GOLPH3L: variants seen among roughly 807,000 people sequenced by gnomAD.
The protein encoded by GOLPH3L is golgi phosphoprotein 3 like, also known as Golgi phosphoprotein 3-like.
Under a neutral mutation model 30.3 loss-of-function variants are expected in GOLPH3L, and 22 were observed. That is an observed-to-expected ratio of 0.73 (90% CI 0.52 to 1.04). GOLPH3L has a LOEUF of 1.04. GOLPH3L is among the 50% of genes least tolerant of loss of function. The pLI is 0.00. For missense variants in GOLPH3L, 303 were observed against 345.8 expected (o/e 0.88, Z 0.98); for synonymous variants, 120 against 128.2 (o/e 0.94, Z 0.43).
chr1:150,660,354 T>A (rs1412863466), intron 4 of GOLPH3L, among the ~76,000 whole-genome samples: 1 of 152,166 alleles, frequency 6.6e-6, no homozygotes, highest in African/African-American at 2.4e-5. Flanking sequence ...AATGGTGCAG[T>A]CTCTGTGGAA....
chr1:150,661,086 G>C (rs587633639), intron 4 of GOLPH3L, among the ~76,000 whole-genome samples: 47 of 152,318 alleles, frequency 3.1e-4, no homozygotes, highest in African/African-American at 1.1e-3. Context: ...AAATTAGCCA[G>C]GCGTGGTGGC....
At chr1:150,664,865 C>T (rs1175089246) in intron 2 of GOLPH3L, among the ~76,000 whole-genome samples, 1 of 152,012 alleles carries the variant, frequency 6.6e-6, no homozygotes, top group Non-Finnish European at 1.5e-5. Flanking sequence ...AATGCAGACA[C>T]CAATATATAT....
rs1370303613 is a variant in GOLPH3L, at chr1:150,647,063, C to A, written c.*1258G>T. On this transcript the variant is annotated 3_prime_UTR_variant, in exon 5 of 5. Transcript: ENST00000271732. ...ATATAGACAAAACTACTCCCAGAAA[C>A]CTTAAATATAGACAGACTTTATTAA... 3 of 152,054 alleles carry A rather than the reference C, an allele frequency of 2.0e-5. No homozygotes were observed. The highest frequency in any genetic ancestry group is 6.5e-5 in the Admixed American group (1 of 15,268). The allele number at this position is 152,054 out of a possible 1,614,324, so 9.4% of individuals were successfully genotyped here.
In GOLPH3L at chr1:150,663,516, C is replaced by T. The variant is rs1480606204; in HGVS notation, c.315+116G>A. On this transcript the variant is annotated intron_variant, in intron 3 of 4. Coordinates refer to ENST00000271732, the MANE Select transcript of GOLPH3L (RefSeq NM_018178.6). ...TAATTAACCTGTTTAGACAATGGAA[C>T]TGCTGAGTCAGTGATATTTATTTTA... The T allele has an allele frequency of 3.3e-6, 3 of 921,574 alleles. No individual in the cohort carries two copies. In the African/African-American group the frequency reaches 5.0e-5, roughly 15 times the overall value. 57.1% of individuals were successfully genotyped at this position (921,574 alleles called of 1,614,324 possible).
At chr1:150,671,801 C>A (rs1223756423) in intron 2 of GOLPH3L, among the ~76,000 whole-genome samples, 1 of 101,252 alleles carries the variant, frequency 9.9e-6, no homozygotes, top group Non-Finnish European at 2.0e-5. Flanking sequence ...AGCAAAACTC[C>A]GTCTCAAAAA....
chr1:150,671,116 C>A (rs970847449), intron 2 of GOLPH3L, among the ~76,000 whole-genome samples: 11 of 152,058 alleles, frequency 7.2e-5, no homozygotes, highest in African/African-American at 2.7e-4. Context: ...GTGGCCCGTG[C>A]CTGTAATCCC....
intron 2 of GOLPH3L, among the ~76,000 whole-genome samples, chr1:150,687,156 G>A (rs761348306): frequency 5.3e-5 from 8 of 151,494 alleles, no homozygotes; most frequent in African/African-American, 1.5e-4. Flanking sequence ...TTCTTTGCTC[G>A]GCCTGCTATT....
chr1:150,688,295 G>GT (rs1651138353), intron 2 of GOLPH3L, among the ~76,000 whole-genome samples: 1 of 152,200 alleles, frequency 6.6e-6, no homozygotes, highest in Admixed American at 6.5e-5. Context: ...TCATACTTCA[G>GT]TTTTAAAACA....
intron 2 of GOLPH3L, among the ~76,000 whole-genome samples, chr1:150,674,266 T>TG (rs1263046402): frequency 2.0e-5 from 3 of 150,350 alleles, no homozygotes; most frequent in South Asian, 2.1e-4. Context: ...GGGAGAATTT[T>TG]TTTTTTTTTT....
At chr1:150,690,114 G>A (rs1651176133) in intron 2 of GOLPH3L, among the ~76,000 whole-genome samples, 1 of 151,954 alleles carries the variant, frequency 6.6e-6, no homozygotes, top group Non-Finnish European at 1.5e-5. Flanking sequence ...AATCTCCCAA[G>A]TAGCTGAAAC....
At chr1:150,671,668 G>A (rs1258244909) in intron 2 of GOLPH3L, among the ~76,000 whole-genome samples, 1 of 151,948 alleles carries the variant, frequency 6.6e-6, no homozygotes. Flanking sequence ...AGCCGGGTGT[G>A]GTGCCGCATG....
At chr1:150,661,740 A>C (rs1650371480) in intron 4 of GOLPH3L, 74 bp downstream of exon 4, 2 of 783,810 alleles carry the variant, frequency 2.6e-6, no homozygotes, top group Non-Finnish European at 4.7e-6. Flanking sequence ...ATTTCGGTAC[A>C]TCTTTTACTA....
At chr1:150,659,291 T>G (rs1270499934) in intron 4 of GOLPH3L, among the ~76,000 whole-genome samples, 1 of 152,192 alleles carries the variant, frequency 6.6e-6, no homozygotes, top group Non-Finnish European at 1.5e-5. Context: ...AAACAAAATC[T>G]CTGCAGCACT....
At chr1:150,688,686 G>C (rs1006759588) in intron 2 of GOLPH3L, among the ~76,000 whole-genome samples, 1 of 152,184 alleles carries the variant, frequency 6.6e-6, no homozygotes, top group Non-Finnish European at 1.5e-5. Flanking sequence ...GGGAGGTGGA[G>C]GTTGCAGTGA....
At chr1:150,686,841 ATATTTTCCTAC>A (rs2101817048) in intron 2 of GOLPH3L, among the ~76,000 whole-genome samples, 1 of 152,338 alleles carries the variant, frequency 6.6e-6, no homozygotes, top group South Asian at 2.1e-4. Context: ...AGCTTAAGCT[ATATTTTCCTAC>A]TATTAAAACA....
chr1:150,687,031 C>T (rs775623017), intron 2 of GOLPH3L, among the ~76,000 whole-genome samples: 36 of 152,178 alleles, frequency 2.4e-4, no homozygotes, highest in African/African-American at 6.3e-4. Flanking sequence ...TATTCACAAT[C>T]GCAGTAGCTA....
chr1:150,656,676 C>T (rs10888387), intron 4 of GOLPH3L, among the ~76,000 whole-genome samples: 58,537 of 151,918 alleles, frequency 0.39, 11,593 homozygotes, highest in South Asian at 0.55. Flanking sequence ...AAATCGCTAC[C>T]ATGATAGGAA....
At chr1:150,682,078 T>A (rs1020212921) in intron 2 of GOLPH3L, among the ~76,000 whole-genome samples, 10 of 144,254 alleles carry the variant, frequency 6.9e-5, no homozygotes, top group African/African-American at 2.3e-4. Flanking sequence ...AAAAAAAAAA[T>A]GATGCATCTG....
chr1:150,691,293 C>T (rs1447233713), intron 2 of GOLPH3L, among the ~76,000 whole-genome samples: 1 of 151,994 alleles, frequency 6.6e-6, no homozygotes, highest in South Asian at 2.1e-4. Flanking sequence ...TTGGGTGGGT[C>T]GCCTGAGAGG....
Sources: gnomAD v4.1 joint callset for allele counts (sites outside exome capture counted in the v4.1 genomes callset) on GRCh38, gnomAD v4.1.1 for gene constraint, MANE v1.5 for transcripts, NCBI Gene and HGNC (gene_info 2026-07-23, HGNC 2026-07-21) for gene names.